The following ASTN1 variants were observed in gnomAD, a reference collection of about 807,000 sequenced individuals.
ASTN1 encodes astrotactin 1, also known as astrotactin-1.
A neutral mutation model predicts 140.7 loss-of-function variants in ASTN1; 41 were observed. The observed-to-expected ratio is 0.29, with a 90% CI of 0.23 to 0.38. The LOEUF is 0.38. Ranked by LOEUF, ASTN1 falls within the 10% of genes least tolerant of loss-of-function variation. The pLI, the probability that ASTN1 is intolerant of heterozygous loss-of-function variation, is 1.00. For missense variants in ASTN1, 1,479 were observed against 1,678.8 expected (o/e 0.88, Z 2.08); for synonymous variants, 640 against 652.2 (o/e 0.98, Z 0.29).
intron 7 of ASTN1, among the ~76,000 whole-genome samples, chr1:177,019,432 T>C (rs1323669866): frequency 6.6e-6 from 1 of 152,188 alleles, no homozygotes; most frequent in East Asian, 1.9e-4. Flanking sequence ...TGAACCTAAT[T>C]TACATGCATG....
chr1:176,863,653 A>C lies in ASTN1; in HGVS notation c.*631T>G. On this transcript the variant is annotated 3_prime_UTR_variant, in exon 23 of 23. Transcript: ENST00000361833. The stretch of plus-strand genomic sequence containing the variant: ...AAAATAAGGAAGGATCTCAAAACCC[A>C]AGTGGCCCACTGGGGCCTATAATGA... The C allele has an allele frequency of 1.0e-6, 1 of 985,586 alleles. No individual in the cohort carries two copies. Among genetic ancestry groups the C allele is most frequent in the Non-Finnish European group, 1.2e-6 (1 of 830,044 alleles). The allele number at this position is 985,586 out of a possible 1,614,324, so 61.1% of individuals were successfully genotyped here. A position where few individuals can be genotyped will look rare whatever the true frequency, so the allele number is the denominator to read the frequency against.
At chr1:176,969,807 TTTTG>T (rs200371722) in intron 8 of ASTN1, among the ~76,000 whole-genome samples, 8 of 152,060 alleles carry the variant, frequency 5.3e-5, no homozygotes, top group South Asian at 2.1e-4. Context: ...AATAGAGCAT[TTTTG>T]TTTGTTTGTT....
At position 176,882,874 on chromosome 1, in the gene ASTN1, G is replaced by A; in HGVS notation, c.3347C>T (p.Pro1116Leu). 1 of 1,614,182 alleles carries A rather than the reference G, an allele frequency of 6.2e-7. No individual in the cohort carries two copies. The highest frequency in any genetic ancestry group is 1.1e-5 in the South Asian group (1 of 91,080). ...TGTTACTCACATGTAAATGGTGTCA[G>A]GTTCCAGGCATCGTATGATCAGAGA... is the stretch of plus-strand genomic sequence containing the variant. ...TISLIIRCLE[P>L]DTIYMFTLWG... The change falls in exon 20 of 23, where the codon CCT (proline) becomes CTT (leucine). Residue 1116 changes from proline to leucine, a missense_variant. By Grantham distance (98) the Pro-to-Leu change is moderately conservative. Around this residue, in one of 3 missense-constraint regions of ASTN1, gnomAD observed 746 missense variants for 800.9 expected, o/e 0.93. Coordinates refer to ENST00000361833, the MANE Select transcript of ASTN1 (RefSeq NM_004319.3).
In ASTN1 at chr1:176,958,476, G is replaced by A. The variant is rs1672514389; in HGVS notation, c.1605C>T (p.Thr535=). The change falls in exon 10 of 23, where the codon ACC becomes ACT. Residue 535 remains threonine (T), a synonymous_variant. Transcript: ENST00000361833. ...EQPSDKIFRF[T]YTLGEGMWLP... Reference sequence around the variant, plus strand: ...ACCACATGCCCTCCCCAAGAGTGTAGGTGAATCTGCAGGGACACCCAGTGC... The same window carrying A: ...ACCACATGCCCTCCCCAAGAGTGTAAGTGAATCTGCAGGGACACCCAGTGC... 6.2e-7 allele frequency: 1 copy of A among 1,610,982 alleles called. No individual in the cohort carries two copies. The highest frequency in any genetic ancestry group is 8.5e-7 in the Non-Finnish European group (1 of 1,178,552).
chr1:177,001,006 A>G (rs1408121411), intron 8 of ASTN1, among the ~76,000 whole-genome samples: 3 of 152,204 alleles, frequency 2.0e-5, no homozygotes, highest in Non-Finnish European at 4.4e-5. Flanking sequence ...TCACCACTCC[A>G]TGAGATAATT....
At chr1:176,887,485 C>G (rs985184251) in intron 18 of ASTN1, among the ~76,000 whole-genome samples, 2 of 152,224 alleles carry the variant, frequency 1.3e-5, no homozygotes, top group Non-Finnish European at 2.9e-5. Context: ...CAGATCATCT[C>G]TCAATTTTAT....
chr1:176,977,031 G>C (rs1397491586), intron 8 of ASTN1: 1 of 152,256 alleles, frequency 6.6e-6, no homozygotes, highest in African/African-American at 2.4e-5. Context: ...GACAAGGTAG[G>C]AGAATGAACA....
intron 1 of ASTN1, among the ~76,000 whole-genome samples, chr1:177,154,142 G>T (rs970082076): frequency 1.3e-5 from 2 of 152,114 alleles, no homozygotes; most frequent in African/African-American, 4.8e-5. Flanking sequence ...ATGATAACTG[G>T]AGTATTATTT....
Position 176,861,524 on chromosome 1 carries a change from A to G in ASTN1, c.*2760T>C, listed in dbSNP as rs1247959208. 4.1e-6 allele frequency: 4 copies of G among 985,776 alleles called. No individual in the cohort carries two copies. The African/African-American group carries it at 7.0e-5, about 17-fold the overall frequency. 61.1% of individuals were successfully genotyped at this position (985,776 alleles called of 1,614,324 possible). A position where few individuals can be genotyped will look rare whatever the true frequency, so the allele number is the denominator to read the frequency against. ...GTTCCTTCAGGTAAGCATTAGGAAA[A>G]GTCAGCAGGTTGAGATCAATAGTGT... is the stretch of plus-strand genomic sequence containing the variant. On this transcript the variant is annotated 3_prime_UTR_variant, in exon 23 of 23. Transcript: ENST00000361833.
intron 5 of ASTN1, among the ~76,000 whole-genome samples, chr1:177,029,068 G>A (rs889416517): frequency 2.6e-5 from 4 of 152,178 alleles, no homozygotes; most frequent in African/African-American, 9.7e-5. Context: ...CCACGTGGAG[G>A]AGAATGGATT....
chr1:177,142,151 G>A (rs2102226002), intron 1 of ASTN1, among the ~76,000 whole-genome samples: 1 of 152,054 alleles, frequency 6.6e-6, no homozygotes, highest in South Asian at 2.1e-4. Flanking sequence ...GGCTCCCTCT[G>A]GTCATATTTT....
chr1:177,063,062 G>A (rs1431825764), intron 1 of ASTN1, among the ~76,000 whole-genome samples: 1 of 152,180 alleles, frequency 6.6e-6, no homozygotes, highest in Non-Finnish European at 1.5e-5. Context: ...CTTTCAATAG[G>A]TAGAGAAGTA....
At chr1:176,960,961 T>C (rs1672632965) in intron 9 of ASTN1, among the ~76,000 whole-genome samples, 1 of 152,128 alleles carries the variant, frequency 6.6e-6, no homozygotes, top group Non-Finnish European at 1.5e-5. Context: ...CCCTTGTTGC[T>C]CCTGAAATGA....
At chr1:177,147,243 G>GT (rs1185299164) in intron 1 of ASTN1, among the ~76,000 whole-genome samples, 3 of 152,032 alleles carry the variant, frequency 2.0e-5, no homozygotes, top group Non-Finnish European at 4.4e-5. Flanking sequence ...CCCTGGAAAG[G>GT]GTATCATCGG....
chr1:176,999,771 A>G (rs777684372), intron 8 of ASTN1, among the ~76,000 whole-genome samples: 8 of 152,108 alleles, frequency 5.3e-5, no homozygotes, highest in Non-Finnish European at 1.2e-4. Flanking sequence ...TGTTCTCGGG[A>G]TAGTGAGTGG....
intron 8 of ASTN1, among the ~76,000 whole-genome samples, chr1:176,969,843 T>G (rs1370671744): frequency 6.6e-6 from 1 of 152,192 alleles, no homozygotes; most frequent in Non-Finnish European, 1.5e-5. Context: ...ATCTTCATTC[T>G]AACAAATAAA....
intron 1 of ASTN1, among the ~76,000 whole-genome samples, chr1:177,101,778 T>C (rs1680311671): frequency 1.3e-5 from 2 of 152,196 alleles, no homozygotes; most frequent in African/African-American, 2.4e-5. Flanking sequence ...GTAGATGTCC[T>C]ATCAGTAAGG....
chr1:176,895,511 C>T (rs1357198926), intron 16 of ASTN1, among the ~76,000 whole-genome samples: 1 of 152,124 alleles, frequency 6.6e-6, no homozygotes, highest in Non-Finnish European at 1.5e-5. Context: ...TCTTTTAGGT[C>T]AGAGAGGAAG....
Position 176,944,154 on chromosome 1 carries a change from C to A in ASTN1, c.2250-136G>T, listed in dbSNP as rs540355626. ...GTGCAATGGCAGGATCTCAGCTCAC[C>A]GCAACCTCTGCCTCCAGGGTTCAAG... On this transcript the variant is annotated intron_variant, in intron 13 of 22. Coordinates refer to ENST00000361833, the MANE Select transcript of ASTN1 (RefSeq NM_004319.3). The A allele has an allele frequency of 6.4e-4, 744 of 1,162,828 alleles. 14 individuals carry two copies. The South Asian group carries it at 0.01, about 16-fold the overall frequency. 72.0% of individuals were successfully genotyped at this position (1,162,828 alleles called of 1,614,324 possible). A position where few individuals can be genotyped will look rare whatever the true frequency, so the allele number is the denominator to read the frequency against.
Sources: allele counts gnomAD v4.1 joint callset (sites outside exome capture counted in the v4.1 genomes callset), GRCh38; gene constraint gnomAD v4.1.1; regional missense constraint gnomAD v4.1.1; transcripts MANE v1.5; gene names NCBI Gene and HGNC (gene_info 2026-07-23, HGNC 2026-07-21).